ULK4: variants seen among roughly 807,000 people sequenced by gnomAD.
The protein encoded by ULK4 is unc-51 like kinase 4, also known as inactive serine/threonine-protein kinase ULK4.
In ULK4, 133 loss-of-function variants were observed where a neutral mutation model predicts 160.6. That is an observed-to-expected ratio of 0.83 (90% confidence interval 0.72 to 0.96). ULK4 has a LOEUF of 0.96. Among genes scored for constraint, ULK4 ranks in the 40% least tolerant of loss-of-function variants. ULK4 has a pLI of 0.00. For synonymous variants in ULK4, 534 were observed against 539.8 expected (o/e 0.99, Z 0.15); for missense variants, 1,580 against 1,499.5 (o/e 1.05, Z -0.89).
intron 17 of ULK4, among the ~76,000 whole-genome samples, chr3:41,840,214 A>G (rs1179798961): frequency 2.0e-5 from 3 of 152,206 alleles, no homozygotes; most frequent in Non-Finnish European, 4.4e-5. Flanking sequence ...GGATGGCTTG[A>G]GTTCAGGTGT....
intron 29 of ULK4, among the ~76,000 whole-genome samples, chr3:41,668,311 A>T (rs962321031): frequency 2.0e-5 from 3 of 152,218 alleles, no homozygotes; most frequent in Admixed American, 2.0e-4. Context: ...TAATTATTAC[A>T]TATAAAGAAT....
intron 27 of ULK4, among the ~76,000 whole-genome samples, chr3:41,702,687 T>C (rs941510788): frequency 2.0e-5 from 3 of 151,922 alleles, no homozygotes; most frequent in Non-Finnish European, 4.4e-5. Context: ...AATTTGAAAT[T>C]TGCATACACC....
intron 18 of ULK4, among the ~76,000 whole-genome samples, chr3:41,825,545 T>G (rs1279976971): frequency 6.6e-6 from 1 of 152,118 alleles, no homozygotes; most frequent in African/African-American, 2.4e-5. Context: ...TTCGATCAAC[T>G]GGAAGAAAGG....
At chr3:41,905,691 A>G (rs1698528243) in intron 12 of ULK4, among the ~76,000 whole-genome samples, 1 of 152,222 alleles carries the variant, frequency 6.6e-6, no homozygotes, top group African/African-American at 2.4e-5. Context: ...TCCAAAGAAA[A>G]TAGACAAAAT....
chr3:41,330,485 G>T (rs2080420586), intron 35 of ULK4, among the ~76,000 whole-genome samples: 1 of 152,170 alleles, frequency 6.6e-6, no homozygotes, highest in Non-Finnish European at 1.5e-5. Flanking sequence ...TCAGGAATGA[G>T]GATTCAGGGA....
chr3:41,604,836 T>C (rs2032296609), intron 31 of ULK4, among the ~76,000 whole-genome samples: 1 of 152,114 alleles, frequency 6.6e-6, no homozygotes, highest in Non-Finnish European at 1.5e-5. Context: ...ATTTCAGCTC[T>C]GAAGAAGGCT....
chr3:41,473,661 C>CAAAAAAAAAAAAAAAAAA (rs1294599838), intron 32 of ULK4, among the ~76,000 whole-genome samples: 13 of 25,228 alleles, frequency 5.2e-4, no homozygotes, highest in South Asian at 1.8e-3. Flanking sequence ...GATTCTGTCT[C>CAAAAAAAAAAAAAAAAAA]AAAGAAAAAA....
intron 35 of ULK4, among the ~76,000 whole-genome samples, chr3:41,325,269 GA>G (rs1412717101): frequency 3.9e-5 from 6 of 152,270 alleles, no homozygotes; most frequent in African/African-American, 1.4e-4. Flanking sequence ...TGTTCACTCA[GA>G]AAAGAAACCC....
chr3:41,573,301 G>C (rs145812129), intron 31 of ULK4, among the ~76,000 whole-genome samples: 1 of 151,824 alleles, frequency 6.6e-6, no homozygotes, highest in Non-Finnish European at 1.5e-5. Context: ...GGACAGCTTT[G>C]AAATACCAAG....
At chr3:41,937,041 T>G (rs112130741) in intron 3 of ULK4, 7 of 340,554 alleles carry the variant, frequency 2.1e-5, no homozygotes, top group Admixed American at 1.3e-4. Flanking sequence ...TACACACACA[T>G]ACTATATACC....
chr3:41,594,381 A>AT (rs2031552725), intron 31 of ULK4, among the ~76,000 whole-genome samples: 1 of 151,854 alleles, frequency 6.6e-6, no homozygotes, highest in Admixed American at 6.6e-5. Flanking sequence ...CTATGAAAAC[A>AT]TTTTTTTAAT....
intron 35 of ULK4, among the ~76,000 whole-genome samples, chr3:41,348,735 T>C (rs1400386429): frequency 6.6e-6 from 1 of 152,214 alleles, no homozygotes; most frequent in Non-Finnish European, 1.5e-5. Flanking sequence ...TATATCTGCA[T>C]AACACATCAT....
chr3:41,667,223 G>A lies in ULK4; in HGVS notation c.2979-3524C>T, dbSNP rs2035376481. On this transcript the variant is annotated intron_variant, in intron 29 of 36. Coordinates refer to ENST00000301831, the MANE Select transcript of ULK4 (RefSeq NM_017886.4). ...AAACATTACTGACTGAAATCAAAGT[G>A]TCTTGAGGTCGTTTGAAGTTATCTA... Among the ~76,000 whole-genome samples, 3 of 152,040 alleles carry A rather than the reference G, an allele frequency of 2.0e-5. No individual in the cohort carries two copies. The South Asian group carries it at 6.2e-4, about 32-fold the overall frequency.
At chr3:41,802,800 C>T (rs1363072589) in intron 19 of ULK4, among the ~76,000 whole-genome samples, 1 of 152,068 alleles carries the variant, frequency 6.6e-6, no homozygotes, top group African/African-American at 2.4e-5. Context: ...ACATGAGGTT[C>T]ATATGTAAGC....
At chr3:41,650,549 C>A (rs1391799698) in intron 30 of ULK4, among the ~76,000 whole-genome samples, 1 of 152,238 alleles carries the variant, frequency 6.6e-6, no homozygotes, top group Non-Finnish European at 1.5e-5. Flanking sequence ...AGCTGCCCAC[C>A]CTGCCGCAGA....
chr3:41,506,534 A>ACTG (rs1452569457), intron 32 of ULK4, among the ~76,000 whole-genome samples: 8 of 151,698 alleles, frequency 5.3e-5, no homozygotes, highest in Non-Finnish European at 1.0e-4. Context: ...TCTTGCCGTT[A>ACTG]CTGCTGCTGC....
chr3:41,599,671 T>G (rs1290060171), intron 31 of ULK4, among the ~76,000 whole-genome samples: 1 of 150,826 alleles, frequency 6.6e-6, no homozygotes. Flanking sequence ...TTCAAACAAT[T>G]CTCCCACCCC....
chr3:41,658,560 A>C (rs966946788), intron 30 of ULK4, among the ~76,000 whole-genome samples: 3 of 152,198 alleles, frequency 2.0e-5, no homozygotes, highest in African/African-American at 7.2e-5. Flanking sequence ...TATTCACCTA[A>C]AGGGGACTTG....
chr3:41,432,045 C>T (rs1480373231), intron 34 of ULK4, among the ~76,000 whole-genome samples: 1 of 152,044 alleles, frequency 6.6e-6, no homozygotes, highest in East Asian at 1.9e-4. Context: ...CCCACCTCGG[C>T]CTCCCAAAGG....
Sources: allele counts gnomAD v4.1 joint callset (sites outside exome capture counted in the v4.1 genomes callset), GRCh38; gene constraint gnomAD v4.1.1; transcripts MANE v1.5; gene names NCBI Gene and HGNC (gene_info 2026-07-23, HGNC 2026-07-21).